The following DLGAP2 variants were observed in gnomAD, a reference collection of about 807,000 sequenced individuals.
DLGAP2 encodes the protein DLG associated protein 2.
Under a neutral mutation model 100.3 loss-of-function variants are expected in DLGAP2, and 26 were observed. The ratio of observed to expected loss-of-function variants is 0.26; its 90% CI spans 0.19 to 0.36. The LOEUF (loss-of-function observed/expected upper bound fraction) is 0.36, where lower values mean the gene tolerates loss of function less well. Ranked by LOEUF, DLGAP2 falls within the 10% of genes least tolerant of loss-of-function variation. The pLI is 1.00. For missense variants in DLGAP2, 1,858 were observed against 1,453.2 expected (o/e 1.28, Z -4.53); for synonymous variants, 886 against 630.1 (o/e 1.41, Z -6.08).
chr8:1,487,946 C>T (rs539886471), intron 3 of DLGAP2, among the ~76,000 whole-genome samples: 36 of 152,280 alleles, frequency 2.4e-4, no homozygotes, highest in African/African-American at 7.2e-4. Context: ...ACATCTTTCC[C>T]GGGACATTCA....
chr8:1,558,769 C>A (rs79500399), intron 5 of DLGAP2, among the ~76,000 whole-genome samples: 331 of 151,756 alleles, frequency 2.2e-3, no homozygotes, highest in African/African-American at 7.8e-3. Flanking sequence ...CATATAACTG[C>A]ACACATACAC....
At chr8:1,425,238 G>C (rs1797205840) in intron 3 of DLGAP2, among the ~76,000 whole-genome samples, 1 of 152,182 alleles carries the variant, frequency 6.6e-6, no homozygotes, top group Non-Finnish European at 1.5e-5. Flanking sequence ...TTCAATGATA[G>C]TGAAAATATC....
At chr8:1,337,527 A>G (rs1459454377) in intron 3 of DLGAP2, among the ~76,000 whole-genome samples, 17 of 145,504 alleles carry the variant, frequency 1.2e-4, no homozygotes, top group African/African-American at 3.8e-4. Context: ...TGCTGATGAT[A>G]GTGATGATGA....
chr8:1,499,784 G>A lies in DLGAP2; in HGVS notation c.107-1582G>A, dbSNP rs551007445. The stretch of plus-strand genomic sequence containing the variant: ...CTTAGTTCACATTTACCTGAGAGGC[G>A]ACCGTATCCTCTTCATCAGCATCTC... On this transcript the variant is annotated intron_variant, in intron 3 of 14. Transcript: ENST00000637795. Among the ~76,000 whole-genome samples the A allele has an allele frequency of 1.8e-4, 28 of 152,240 alleles. No individual in the cohort carries two copies. The South Asian group carries it at 4.6e-3, about 25-fold the overall frequency.
At chr8:1,062,272 C>T (rs1273714759) in intron 2 of DLGAP2, among the ~76,000 whole-genome samples, 1 of 152,170 alleles carries the variant, frequency 6.6e-6, no homozygotes, top group Non-Finnish European at 1.5e-5. Flanking sequence ...CAGTCCTGTG[C>T]CTGCCACGCT....
chr8:1,582,799 T>A (rs939152646), intron 6 of DLGAP2, among the ~76,000 whole-genome samples: 12 of 152,296 alleles, frequency 7.9e-5, no homozygotes, highest in African/African-American at 2.9e-4. Flanking sequence ...AGTTTCACCA[T>A]GTTGGCCAGA....
chr8:1,257,434 C>CG (rs1321398981), intron 2 of DLGAP2, among the ~76,000 whole-genome samples: 9 of 151,984 alleles, frequency 5.9e-5, no homozygotes, highest in Admixed American at 2.0e-4. Flanking sequence ...CCTGCCCCTC[C>CG]ACCCCCCCGC....
At chr8:1,021,024 C>T (rs1801609506) in intron 2 of DLGAP2, among the ~76,000 whole-genome samples, 1 of 152,164 alleles carries the variant, frequency 6.6e-6, no homozygotes, top group Non-Finnish European at 1.5e-5. Flanking sequence ...ATAGTCATTC[C>T]AAAGATTACC....
intron 2 of DLGAP2, among the ~76,000 whole-genome samples, chr8:945,807 G>T (rs1390627654): frequency 6.6e-6 from 1 of 151,084 alleles, no homozygotes; most frequent in Non-Finnish European, 1.5e-5. Context: ...TCCCTCTCTC[G>T]CTCCCTCGCT....
At chr8:890,192 C>A (rs1287407928) in intron 1 of DLGAP2, among the ~76,000 whole-genome samples, 2 of 152,148 alleles carry the variant, frequency 1.3e-5, no homozygotes, top group African/African-American at 4.8e-5. Flanking sequence ...TTCTAGTCAG[C>A]CATCTCGGCC....
At chr8:902,438 G>A (rs1026541473) in intron 1 of DLGAP2, among the ~76,000 whole-genome samples, 3 of 149,796 alleles carry the variant, frequency 2.0e-5, no homozygotes, top group South Asian at 4.3e-4. Flanking sequence ...GGAGAGTGGG[G>A]GGTCCAGGCG....
intron 1 of DLGAP2, among the ~76,000 whole-genome samples, chr8:866,767 C>G (rs1247176382): frequency 3.9e-5 from 6 of 152,182 alleles, no homozygotes; most frequent in Admixed American, 6.5e-5. Context: ...TTTCTAGAAT[C>G]GACCGTTTCT....
At chr8:1,627,162 G>A (rs540213077) in intron 7 of DLGAP2, among the ~76,000 whole-genome samples, 2 of 152,352 alleles carry the variant, frequency 1.3e-5, no homozygotes, top group South Asian at 4.1e-4. Flanking sequence ...GGCCTCTCTT[G>A]TTGATAAAGC....
chr8:1,036,295 A>G (rs1802121546), intron 2 of DLGAP2, among the ~76,000 whole-genome samples: 2 of 152,252 alleles, frequency 1.3e-5, no homozygotes, highest in African/African-American at 4.8e-5. Context: ...ACTGTGCTAG[A>G]AGGTCAGCAG....
chr8:1,501,435 G>C lies in DLGAP2; in HGVS notation c.172+4G>C. On this transcript the variant is annotated splice_donor_region_variant and intron_variant, in intron 4 of 14. Coordinates refer to ENST00000637795, the MANE Select transcript of DLGAP2 (RefSeq NM_001346810.2). Reference sequence around the variant, plus strand: ...GGGCCGGCAGAGGAGGATCTAGGTAGAGTACAGACGTCAGCCCCGCTCTGG... The same window carrying C: ...GGGCCGGCAGAGGAGGATCTAGGTACAGTACAGACGTCAGCCCCGCTCTGG... 2 of 1,535,614 alleles carry C rather than the reference G, an allele frequency of 1.3e-6. No individual in the cohort carries two copies. Among genetic ancestry groups the C allele is most frequent in the South Asian group, 1.2e-5 (1 of 83,978 alleles).
intron 1 of DLGAP2, among the ~76,000 whole-genome samples, chr8:902,056 G>A (rs957508710): frequency 2.0e-5 from 3 of 152,170 alleles, no homozygotes; most frequent in Admixed American, 1.3e-4. Flanking sequence ...CGGAACCGAG[G>A]AACCCTGGTG....
At chr8:1,157,678 T>A (rs1796816981) in intron 2 of DLGAP2, among the ~76,000 whole-genome samples, 1 of 152,126 alleles carries the variant, frequency 6.6e-6, no homozygotes, top group Non-Finnish European at 1.5e-5. Context: ...AAAACTCTAA[T>A]ACAAATAATA....
At chr8:797,846 G>T (rs756500582) in intron 1 of DLGAP2, among the ~76,000 whole-genome samples, 2 of 152,170 alleles carry the variant, frequency 1.3e-5, no homozygotes, top group African/African-American at 2.4e-5. Context: ...CGCCTCCCAG[G>T]TTCAAGCAAT....
chr8:902,182 G>A (rs1045712872), intron 1 of DLGAP2, among the ~76,000 whole-genome samples: 5 of 152,208 alleles, frequency 3.3e-5, no homozygotes, highest in Non-Finnish European at 7.3e-5. Context: ...AAGCCCGGCC[G>A]CTCCCCTCCT....
Sources: allele counts gnomAD v4.1 joint callset (sites outside exome capture counted in the v4.1 genomes callset), GRCh38; gene constraint gnomAD v4.1.1; transcripts MANE v1.5; gene names NCBI Gene and HGNC (gene_info 2026-07-23, HGNC 2026-07-21).